Variants in STRN observed in about 807,000 individuals in gnomAD.
The protein encoded by STRN is protein phosphatase 2 regulatory subunit B'''alpha.
Under a neutral mutation model 96.3 loss-of-function variants are expected in STRN, and 53 were observed. That is an observed-to-expected ratio of 0.55 (90% CI 0.44 to 0.69). The LOEUF (loss-of-function observed/expected upper bound fraction) is 0.69. STRN is among the 30% of genes least tolerant of loss of function. The probability of loss-of-function intolerance (pLI) is 0.00; values close to 1 mark genes in which losing one functional copy is unlikely to be tolerated. For synonymous variants in STRN, 428 were observed against 355.9 expected (o/e 1.20, Z -2.28); for missense variants, 987 against 963.9 (o/e 1.02, Z -0.32).
intron 9 of STRN, among the ~76,000 whole-genome samples, chr2:36,882,365 G>C (rs1669094330): frequency 6.6e-6 from 1 of 151,978 alleles, no homozygotes; most frequent in South Asian, 2.1e-4. Flanking sequence ...TGAATTTTCA[G>C]CTAATATAAA....
At chr2:36,895,443 C>T (rs182308116) in intron 6 of STRN, among the ~76,000 whole-genome samples, 2 of 152,100 alleles carry the variant, frequency 1.3e-5, no homozygotes. Flanking sequence ...TCTATGCTTA[C>T]AGCACCTCCC....
intron 1 of STRN, among the ~76,000 whole-genome samples, chr2:36,946,559 C>T (rs758553738): frequency 6.6e-6 from 1 of 152,036 alleles, no homozygotes; most frequent in Non-Finnish European, 1.5e-5. Context: ...AATAAAAATC[C>T]CACGTGTGTG....
chr2:36,853,077 A>G (rs1392902275), intron 15 of STRN, among the ~76,000 whole-genome samples: 1 of 152,166 alleles, frequency 6.6e-6, no homozygotes, highest in Non-Finnish European at 1.5e-5. Context: ...GAATCGCTTG[A>G]GCCCAGGAGG....
intron 3 of STRN, among the ~76,000 whole-genome samples, chr2:36,909,428 C>T (rs755584762): frequency 7.9e-5 from 12 of 151,940 alleles, no homozygotes; most frequent in Non-Finnish European, 1.5e-4. Flanking sequence ...CTAGATTTAC[C>T]GTCCTGCTGA....
At position 36,838,275 on chromosome 2, in the gene STRN, GA is replaced by G. The variant is rs1463665493; in HGVS notation, c.*11180del. Among the ~76,000 whole-genome samples, 18 of 152,280 alleles carry G rather than the reference GA, an allele frequency of 1.2e-4. No individual in the cohort carries two copies. The highest frequency in any genetic ancestry group is 4.3e-4 in the African/African-American group (18 of 41,548). ...GGGACCTCCATCCTCTGACTTTAATGAGGCTGGAAGCGAATTCCTCCTCAGA... is the reference window on the plus strand; with the variant it reads ...GGGACCTCCATCCTCTGACTTTAATGGGCTGGAAGCGAATTCCTCCTCAGA... On this transcript the variant is annotated 3_prime_UTR_variant, in exon 18 of 18. Coordinates refer to ENST00000263918, the MANE Select transcript of STRN (RefSeq NM_003162.4).
chr2:36,894,351 G>C (rs1276772619), intron 6 of STRN, among the ~76,000 whole-genome samples: 1 of 152,134 alleles, frequency 6.6e-6, no homozygotes, highest in African/African-American at 2.4e-5. Context: ...TCCTAACCTT[G>C]CATCAGTTTT....
intron 13 of STRN, 149 bp from the exon 14 acceptor site, chr2:36,858,172 G>C (rs867445642): frequency 1.9e-6 from 1 of 531,174 alleles, no homozygotes; most frequent in Middle Eastern, 3.8e-4. Flanking sequence ...ACAGGCTACA[G>C]TAAATCAAAA....
rs1248596406 is a variant in STRN at position 36,933,862 on chromosome 2, C to A, written c.235-8654G>T. Reference sequence around the variant, plus strand: ...CGGTGGCTTAACCTTGTAACCCCTGCACTTTGGGAGGCCGAGGCAGGTGGA... The same window carrying A: ...CGGTGGCTTAACCTTGTAACCCCTGAACTTTGGGAGGCCGAGGCAGGTGGA... On this transcript the variant is annotated intron_variant, in intron 1 of 17. Transcript: ENST00000263918. Among the ~76,000 whole-genome samples the A allele has an allele frequency of 2.0e-5, 3 of 152,138 alleles. No individual in the cohort carries two copies. In the East Asian group the frequency reaches 5.8e-4, roughly 29 times the overall value.
chr2:36,864,691 C>T (rs1668578153), intron 12 of STRN, among the ~76,000 whole-genome samples: 1 of 152,096 alleles, frequency 6.6e-6, no homozygotes, highest in African/African-American at 2.4e-5. Flanking sequence ...GGAAAAGTCC[C>T]TCTTCCTCTT....
rs776878216 is a variant in STRN at position 36,838,131 on chromosome 2, G to C, written c.*11325C>G. Among the ~76,000 whole-genome samples the C allele has an allele frequency of 1.3e-5, 2 of 152,194 alleles. No homozygotes were observed. Among genetic ancestry groups the C allele is most frequent in the African/African-American group, 4.8e-5 (2 of 41,446 alleles). ...CAGTTTTCTCTGGCTGGTAGAAGTA[G>C]AGTCAAAGTATAAAAATAATTTGAT... On this transcript the variant is annotated 3_prime_UTR_variant, in exon 18 of 18. Transcript: ENST00000263918.
intron 1 of STRN, among the ~76,000 whole-genome samples, chr2:36,931,859 C>T (rs1670581878): frequency 1.3e-5 from 2 of 152,202 alleles, no homozygotes; most frequent in Non-Finnish European, 1.5e-5. Flanking sequence ...GACAGGGTCT[C>T]GCTCTGTTGC....
intron 6 of STRN, among the ~76,000 whole-genome samples, chr2:36,898,643 T>C (rs1209206620): frequency 1.3e-5 from 2 of 152,160 alleles, no homozygotes; most frequent in Non-Finnish European, 2.9e-5. Flanking sequence ...CAATCCTCAT[T>C]TTACAAATGA....
At chr2:36,929,616 C>T (rs1353485334) in intron 1 of STRN, among the ~76,000 whole-genome samples, 1 of 152,140 alleles carries the variant, frequency 6.6e-6, no homozygotes, top group Non-Finnish European at 1.5e-5. Context: ...AACTCCTGAC[C>T]TCGTGATCCA....
rs1009262017 is a variant in STRN, at chr2:36,846,587, C to A, written c.*2869G>T. On this transcript the variant is annotated 3_prime_UTR_variant, in exon 18 of 18. Transcript: ENST00000263918. Reference sequence around the variant, plus strand: ...GAAAGTCAGATTAAAAAAAAAATTTCTCACAAAGTTCATCATCAGTGATGC... The same window carrying A: ...GAAAGTCAGATTAAAAAAAAAATTTATCACAAAGTTCATCATCAGTGATGC... The A allele has an allele frequency of 2.0e-5, 3 of 150,710 alleles. No homozygotes were observed. Among genetic ancestry groups the A allele is most frequent in the African/African-American group, 7.3e-5 (3 of 40,964 alleles). 9.3% of individuals were successfully genotyped at this position (150,710 alleles called of 1,614,324 possible).
At chr2:36,949,595 G>T (rs1182834811) in intron 1 of STRN, among the ~76,000 whole-genome samples, 1 of 152,144 alleles carries the variant, frequency 6.6e-6, no homozygotes, top group East Asian at 1.9e-4. Flanking sequence ...GATTAAAAAT[G>T]GATTTTAAAC....
Position 36,847,386 on chromosome 2 carries a change from C to T in STRN, c.*2070G>A, listed in dbSNP as rs1482090809. On this transcript the variant is annotated 3_prime_UTR_variant, in exon 18 of 18. Transcript: ENST00000263918. Reference sequence around the variant, plus strand: ...AAATACACCAAGTAATGGCATCTTCCTTCCTTCCTTCCTGGAAGGAATTTT... The same window carrying T: ...AAATACACCAAGTAATGGCATCTTCTTTCCTTCCTTCCTGGAAGGAATTTT... 1 of 152,082 alleles carries T rather than the reference C, an allele frequency of 6.6e-6. No individual in the cohort carries two copies. The highest frequency in any genetic ancestry group is 2.4e-5 in the African/African-American group (1 of 41,440). 9.4% of individuals were successfully genotyped at this position (152,082 alleles called of 1,614,324 possible).
chr2:36,843,997 T>G lies in STRN; in HGVS notation c.*5459A>C, dbSNP rs1418168630. On this transcript the variant is annotated 3_prime_UTR_variant, in exon 18 of 18. Coordinates refer to ENST00000263918, the MANE Select transcript of STRN (RefSeq NM_003162.4). ...AAGATCAAACAATCTGGCCCAGGGC[T>G]CACCAGCTGGAGGACTGGGTGTGGA... The G allele has an allele frequency of 4.6e-5, 7 of 152,172 alleles. No individual in the cohort carries two copies. Among genetic ancestry groups the G allele is most frequent in the Non-Finnish European group, 8.8e-5 (6 of 68,012 alleles). 9.4% of individuals were successfully genotyped at this position (152,172 alleles called of 1,614,324 possible).
In STRN at chr2:36,846,290, A is replaced by C. The variant is rs1055949290; in HGVS notation, c.*3166T>G. 8 of 147,628 alleles carry C rather than the reference A, an allele frequency of 5.4e-5. No individual in the cohort carries two copies. Among genetic ancestry groups the C allele is most frequent in the Non-Finnish European group, 1.2e-4 (8 of 67,142 alleles). The allele number at this position is 147,628 out of a possible 1,614,324, so 9.1% of individuals were successfully genotyped here. On this transcript the variant is annotated 3_prime_UTR_variant, in exon 18 of 18. Transcript: ENST00000263918. ...CACTTAGAACTATATATTATACTGCAAAAGCAAACAGCACAACACTCATCA... is the reference window on the plus strand; with the variant it reads ...CACTTAGAACTATATATTATACTGCCAAAGCAAACAGCACAACACTCATCA...
intron 15 of STRN, among the ~76,000 whole-genome samples, chr2:36,853,769 A>C (rs754222886): frequency 2.6e-5 from 4 of 152,232 alleles, no homozygotes; most frequent in Non-Finnish European, 5.9e-5. Context: ...ATTCCAAAAC[A>C]GAACAACACA....
Sources: allele counts gnomAD v4.1 joint callset (sites outside exome capture counted in the v4.1 genomes callset), GRCh38; gene constraint gnomAD v4.1.1; transcripts MANE v1.5; gene names NCBI Gene and HGNC (gene_info 2026-07-23, HGNC 2026-07-21).